Variants in CEP152 observed in about 807,000 individuals in gnomAD.
The protein encoded by CEP152 is centrosomal protein of 152 kDa.
In CEP152, 132 loss-of-function variants were observed where a neutral mutation model predicts 188.9. That is an observed-to-expected ratio of 0.70 (90% CI 0.61 to 0.81). CEP152 has a LOEUF of 0.81. Ranked by LOEUF, CEP152 falls within the 30% of genes least tolerant of loss-of-function variation. The probability of loss-of-function intolerance (pLI) is 0.00; values close to 1 mark genes in which losing one functional copy is unlikely to be tolerated. For missense variants in CEP152, 1,914 were observed against 1,969.8 expected, an observed-to-expected ratio of 0.97 and a Z score of 0.54; for synonymous variants, 649 against 666.6, an observed-to-expected ratio of 0.97 and a Z score of 0.41.
chr15:48,785,902 T>C (rs1896594182), intron 9 of CEP152, among the ~76,000 whole-genome samples: 1 of 120,996 alleles, frequency 8.3e-6, no homozygotes, highest in Non-Finnish European at 1.6e-5. Flanking sequence ...CGAGACTCCA[T>C]CTCAAAAAAA....
chr15:48,802,885 A>T (rs1038624778), intron 2 of CEP152, among the ~76,000 whole-genome samples: 4 of 152,246 alleles, frequency 2.6e-5, no homozygotes, highest in African/African-American at 7.2e-5. Flanking sequence ...ATATGGGCCC[A>T]TGTGGACAAA....
At chr15:48,787,867 G>A (rs1896758673) in intron 9 of CEP152, among the ~76,000 whole-genome samples, 1 of 152,154 alleles carries the variant, frequency 6.6e-6, no homozygotes, top group Non-Finnish European at 1.5e-5. Context: ...CTCACCACCT[G>A]ACTCACATTT....
intron 1 of CEP152, among the ~76,000 whole-genome samples, chr15:48,807,058 C>G (rs1013045151): frequency 4.6e-5 from 7 of 152,234 alleles, no homozygotes; most frequent in African/African-American, 1.2e-4. Flanking sequence ...TAATCCCTTC[C>G]TCTCTGGTCC....
chr15:48,791,263 G>T lies in CEP152; in HGVS notation c.946C>A (p.Gln316Lys), dbSNP rs918840553. The T allele has an allele frequency of 1.2e-6, 2 of 1,612,440 alleles. No individual in the cohort carries two copies. The highest frequency in any genetic ancestry group is 4.5e-5 in the East Asian group (2 of 44,808). ...AQIKALETQI[Q>K]ALKVNEEQMI... ...TGTTCTTCATTGACTTTTAATGCTTGTATCTGAGTCTCCAGTGCTTTTATT... is the reference window on the plus strand; with the variant it reads ...TGTTCTTCATTGACTTTTAATGCTTTTATCTGAGTCTCCAGTGCTTTTATT... The change falls in exon 8 of 27, where the codon CAA becomes AAA. Residue 316 changes from glutamine to lysine, a missense_variant. Gln to Lys is a moderately conservative substitution (Grantham distance 53). Transcript: ENST00000380950.
chr15:48,797,852 T>C, intron 3 of CEP152, 96 bp downstream of exon 3: 1 of 1,478,998 alleles, frequency 6.8e-7, no homozygotes, highest in Non-Finnish European at 9.3e-7. Context: ...TAAGAATCAA[T>C]TTACAATTTT....
intron 1 of CEP152, among the ~76,000 whole-genome samples, chr15:48,810,007 T>C (rs375511162): frequency 1.2e-4 from 18 of 152,348 alleles, no homozygotes; most frequent in Admixed American, 8.5e-4. Context: ...GTATTTCTTA[T>C]GCTTTTCTTA....
chr15:48,747,910 A>G (rs1893571333), intron 22 of CEP152, among the ~76,000 whole-genome samples: 1 of 152,128 alleles, frequency 6.6e-6, no homozygotes, highest in Non-Finnish European at 1.5e-5. Flanking sequence ...GCCCTTGTTT[A>G]TGCCTTTTCC....
intron 8 of CEP152, among the ~76,000 whole-genome samples, chr15:48,790,926 T>C (rs1206293119): frequency 6.6e-6 from 1 of 152,232 alleles, no homozygotes; most frequent in African/African-American, 2.4e-5. Context: ...CCACCAGGCT[T>C]AGCTACCAAT....
At chr15:48,730,708 C>T (rs773091283) in intron 2 of CEP152, among the ~76,000 whole-genome samples, 4 of 152,132 alleles carry the variant, frequency 2.6e-5, no homozygotes, top group Non-Finnish European at 5.9e-5. Context: ...TTAAGCAATA[C>T]AGATGCATAG....
intron 12 of CEP152, among the ~76,000 whole-genome samples, chr15:48,775,947 A>C (rs1006312004): frequency 6.6e-6 from 1 of 152,108 alleles, no homozygotes; most frequent in Non-Finnish European, 1.5e-5. Context: ...AAGAAAACCC[A>C]AACACCTAAC....
Position 48,760,229 on chromosome 15 carries a change from A to G in CEP152, c.2600T>C (p.Leu867Pro), listed in dbSNP as rs767463823. 8.1e-6 allele frequency: 13 copies of G among 1,613,966 alleles called. No homozygotes were observed. Among genetic ancestry groups the G allele is most frequent in the African/African-American group, 1.3e-5 (1 of 74,920 alleles). The change falls in exon 19 of 27, where the codon CTG (leucine) becomes CCG (proline). Residue 867 changes from leucine (L) to proline (P), a missense_variant. Leu to Pro is a moderately conservative substitution (Grantham distance 98). Coordinates refer to ENST00000380950, the MANE Select transcript of CEP152 (RefSeq NM_001194998.2). ...IAVQNAHQRW[L>P]GELPELAEYQ... is the part of the protein sequence containing the mutation. ...CTCTGCCAGCTCTGGTAGTTCTCCC[A>G]GCCATCGCTGATGAGCATTTTGCAC... is the stretch of plus-strand genomic sequence containing the variant.
chr15:48,766,985 A>C, intron 17 of CEP152, 75 bp downstream of exon 17: 1 of 1,586,150 alleles, frequency 6.3e-7, no homozygotes, highest in Non-Finnish European at 8.6e-7. Flanking sequence ...TCTAGAACAA[A>C]TGTATTCGTT....
intron 1 of CEP152, 199 bp downstream of exon 1, chr15:48,810,762 T>G (rs1026826592): frequency 6.6e-6 from 1 of 152,324 alleles, no homozygotes; most frequent in Non-Finnish European, 1.5e-5. Flanking sequence ...ATGTCACTTC[T>G]AAGTAGGATA....
Position 48,744,222 on chromosome 15 carries a change from C to A in CEP152, c.3835+18G>T, listed in dbSNP as rs1391329913. 1 of 1,613,266 alleles carries A rather than the reference C, an allele frequency of 6.2e-7. No homozygotes were observed. The highest frequency in any genetic ancestry group is 1.7e-5 in the Admixed American group (1 of 60,004). ...AAAAGGCCCAAGCCATCCTTAAAAT[C>A]TTCAGAATTAAACTTACATTTAATT... On this transcript the variant is annotated intron_variant, in intron 24 of 26. Transcript: ENST00000380950.
chr15:48,777,293 T>G (rs555858948), intron 12 of CEP152, among the ~76,000 whole-genome samples: 2 of 152,060 alleles, frequency 1.3e-5, no homozygotes, highest in South Asian at 4.2e-4. Context: ...TAGGGAAAAA[T>G]GGGTGCAGCA....
chr15:48,777,233 T>C (rs1422895662), intron 12 of CEP152, among the ~76,000 whole-genome samples: 1 of 152,064 alleles, frequency 6.6e-6, no homozygotes, highest in Non-Finnish European at 1.5e-5. Flanking sequence ...AATATACCAA[T>C]ATTGGCTCAT....
intron 5 of CEP152, among the ~76,000 whole-genome samples, chr15:48,796,792 T>C (rs1015519145): frequency 1.3e-5 from 2 of 152,044 alleles, no homozygotes; most frequent in East Asian, 3.9e-4. Flanking sequence ...AAAAACAAGG[T>C]TTTTTGGTTT....
chr15:48,743,176 C>T (rs150819510), intron 24 of CEP152, among the ~76,000 whole-genome samples: 1 of 152,256 alleles, frequency 6.6e-6, no homozygotes, highest in African/African-American at 2.4e-5. Flanking sequence ...TTTATTAGCA[C>T]CAGTAACAAC....
intron 13 of CEP152, among the ~76,000 whole-genome samples, chr15:48,770,167 C>T (rs998416858): frequency 6.6e-6 from 1 of 152,094 alleles, no homozygotes; most frequent in Admixed American, 6.6e-5. Context: ...CTCCGTTTCA[C>T]TTGTTGTGTA....
Sources: gnomAD v4.1 joint callset for allele counts (sites outside exome capture counted in the v4.1 genomes callset) on GRCh38, gnomAD v4.1.1 for gene constraint, MANE v1.5 for transcripts, NCBI Gene and HGNC (gene_info 2026-07-23, HGNC 2026-07-21) for gene names.